KLF13: variants seen among roughly 807,000 people sequenced by gnomAD.
KLF13 encodes the protein Krueppel-like factor 13.
KLF13 carries 8 observed loss-of-function variants against 16.7 expected under a neutral mutation model. The observed-to-expected ratio is 0.48, with a 90% CI of 0.28 to 0.87. The LOEUF is 0.87. KLF13 is among the 40% of genes least tolerant of loss of function. KLF13 has a pLI of 0.10. For missense variants in KLF13, 447 were observed against 452.2 expected (o/e 0.99, Z 0.10); for synonymous variants, 245 against 208.4 (o/e 1.18, Z -1.51).
At chr15:31,383,859 G>A (rs1011132336) in intron 1 of KLF13, among the ~76,000 whole-genome samples, 11 of 151,826 alleles carry the variant, frequency 7.2e-5, no homozygotes, top group African/African-American at 2.2e-4. Context: ...CCAAGATCAC[G>A]CCACTGCACT....
chr15:31,420,695 C>CTT (rs1165661443), intron 1 of KLF13: 684 of 264,022 alleles, frequency 2.6e-3, no homozygotes, highest in South Asian at 5.4e-3. Context: ...TTTTTTCTTT[C>CTT]TTTTTTTTTT....
upstream of KLF13, among the ~76,000 whole-genome samples, chr15:31,388,485 G>A (rs928285310): frequency 5.9e-5 from 9 of 151,610 alleles, no homozygotes; most frequent in African/African-American, 1.9e-4. Flanking sequence ...GCGGTGGTGC[G>A]TGCCTATAAT....
At chr15:31,427,329 A>C (rs2040411179) in intron 1 of KLF13, among the ~76,000 whole-genome samples, 1 of 143,404 alleles carries the variant, frequency 7.0e-6, no homozygotes, top group Non-Finnish European at 1.5e-5. Context: ...ACTGTAAAAA[A>C]ACAAAAAACA....
chr15:31,340,177 T>C (rs1406944271), intron 1 of KLF13, among the ~76,000 whole-genome samples: 1 of 152,214 alleles, frequency 6.6e-6, no homozygotes, highest in African/African-American at 2.4e-5. Flanking sequence ...ATGTACCCAG[T>C]TGGGCTGGGC....
At chr15:31,420,972 C>G (rs2040315723) in intron 1 of KLF13, among the ~76,000 whole-genome samples, 2 of 152,204 alleles carry the variant, frequency 1.3e-5, no homozygotes, top group African/African-American at 4.8e-5. Flanking sequence ...GGATTACAGG[C>G]ATGAGCCACC....
intron 2 of KLF13, among the ~76,000 whole-genome samples, chr15:31,396,558 C>T (rs1463486245): frequency 6.6e-6 from 1 of 152,188 alleles, no homozygotes; most frequent in African/African-American, 2.4e-5. Context: ...TGTCTTCTTG[C>T]ATTGAGTCAG....
At chr15:31,388,766 A>ATC (rs1491537241), upstream of KLF13, among the ~76,000 whole-genome samples, 2 of 22,908 alleles carry the variant, frequency 8.7e-5, no homozygotes, top group African/African-American at 1.9e-4. Context: ...AAAAAATCCC[A>ATC]AAAAAAAAAA....
chr15:31,329,560 G>A (rs1206663185), intron 1 of KLF13, among the ~76,000 whole-genome samples: 1 of 152,162 alleles, frequency 6.6e-6, no homozygotes, highest in Non-Finnish European at 1.5e-5. Context: ...ATGTCTTCCT[G>A]GTGGGTTCAT....
chr15:31,346,045 G>A (rs1010880574), intron 1 of KLF13, among the ~76,000 whole-genome samples: 6 of 151,978 alleles, frequency 3.9e-5, no homozygotes, highest in Admixed American at 3.3e-4. Flanking sequence ...GCATGCGTGA[G>A]CCCCTCTGTA....
At chr15:31,420,945 G>A (rs1264353642) in intron 1 of KLF13, among the ~76,000 whole-genome samples, 1 of 152,044 alleles carries the variant, frequency 6.6e-6, no homozygotes, top group East Asian at 1.9e-4. Flanking sequence ...TGCCCGCCTT[G>A]GCCTCCCAAA....
chr15:31,348,106 G>A (rs1414910603), intron 1 of KLF13, among the ~76,000 whole-genome samples: 3 of 152,222 alleles, frequency 2.0e-5, no homozygotes, highest in African/African-American at 7.2e-5. Context: ...GTTCTTGCTG[G>A]TGGAGGAAAG....
intron 2 of KLF13, among the ~76,000 whole-genome samples, chr15:31,397,673 T>C (rs2140988889): frequency 6.6e-6 from 1 of 152,362 alleles, no homozygotes; most frequent in Non-Finnish European, 1.5e-5. Flanking sequence ...GAGGACTAAA[T>C]GAGCTACTCT....
chr15:31,358,951 C>T (rs1049412842), intron 1 of KLF13, among the ~76,000 whole-genome samples: 4 of 152,212 alleles, frequency 2.6e-5, no homozygotes, highest in Admixed American at 2.0e-4. Context: ...GCTGGACATG[C>T]GTCACCCTAC....
At chr15:31,405,729 G>A (rs977015121), downstream of KLF13, among the ~76,000 whole-genome samples, 3 of 152,162 alleles carry the variant, frequency 2.0e-5, no homozygotes, top group African/African-American at 4.8e-5. Context: ...CCCAGGAAGG[G>A]GAGAGGCCTG....
chr15:31,401,667 AT>A (rs2040038679), intron 2 of KLF13, among the ~76,000 whole-genome samples: 1 of 152,100 alleles, frequency 6.6e-6, no homozygotes, highest in Non-Finnish European at 1.5e-5. Flanking sequence ...GAAAGACTAT[AT>A]TGTGCCCATT....
chr15:31,352,923 C>T (rs1486904630), intron 1 of KLF13, among the ~76,000 whole-genome samples: 3 of 152,120 alleles, frequency 2.0e-5, no homozygotes, highest in Non-Finnish European at 4.4e-5. Flanking sequence ...GTTTCTTGAC[C>T]GTGGAGCATG....
rs544457442 is a variant in KLF13 at position 31,400,462 on chromosome 15, G to A, written n.530-2966G>A. Among the ~76,000 whole-genome samples, 5 of 152,170 alleles carry A rather than the reference G, an allele frequency of 3.3e-5. No homozygotes were observed. In the South Asian group the frequency reaches 1.0e-3, roughly 32 times the overall value. ...TTTAAATAAAGGCCTTAAAAAGTGAGTCAGCCAGCCTTACGAAGTGTGCCA... is the reference window on the plus strand; with the variant it reads ...TTTAAATAAAGGCCTTAAAAAGTGAATCAGCCAGCCTTACGAAGTGTGCCA... On this transcript the variant is annotated intron_variant and non_coding_transcript_variant, in intron 2 of 2. Transcript: ENST00000500533.
At chr15:31,385,951 C>T (rs1017745116) in intron 1 of KLF13, among the ~76,000 whole-genome samples, 1 of 152,132 alleles carries the variant, frequency 6.6e-6, no homozygotes, top group Non-Finnish European at 1.5e-5. Flanking sequence ...GAAATGTTCT[C>T]GAAGGAACTT....
intron 1 of KLF13, among the ~76,000 whole-genome samples, chr15:31,328,981 A>T (rs1021788505): frequency 6.6e-6 from 1 of 152,054 alleles, no homozygotes; most frequent in Non-Finnish European, 1.5e-5. Flanking sequence ...AAAAGGCATA[A>T]AAAGAAGCTG....
Sources: allele counts gnomAD v4.1 joint callset (sites outside exome capture counted in the v4.1 genomes callset), GRCh38; gene constraint gnomAD v4.1.1; transcripts MANE v1.5; gene names NCBI Gene and HGNC (gene_info 2026-07-23, HGNC 2026-07-21).